AKT3: variants seen among roughly 807,000 people sequenced by gnomAD.
AKT3 encodes AKT serine/threonine kinase 3.
A neutral mutation model predicts 65.3 loss-of-function variants in AKT3; 15 were observed. The observed-to-expected ratio is 0.23, with a 90% CI of 0.15 to 0.35. The LOEUF (loss-of-function observed/expected upper bound fraction) is 0.35. Ranked by LOEUF, AKT3 falls within the 10% of genes least tolerant of loss-of-function variation. The probability of loss-of-function intolerance (pLI) is 1.00; values close to 1 mark genes in which losing one functional copy is unlikely to be tolerated. For synonymous variants in AKT3, 206 were observed against 183.8 expected, an observed-to-expected ratio of 1.12 and a Z score of -0.98; for missense variants, 243 against 576.5, an observed-to-expected ratio of 0.42 and a Z score of 5.92.
At chr1:243,619,088 A>G (rs929374671) in intron 6 of AKT3, among the ~76,000 whole-genome samples, 1 of 152,132 alleles carries the variant, frequency 6.6e-6, no homozygotes, top group Non-Finnish European at 1.5e-5. Context: ...AATTGACCAC[A>G]AGTCTAGTTG....
chr1:243,834,432 C>T (rs1179670544), intron 2 of AKT3, among the ~76,000 whole-genome samples: 6 of 152,218 alleles, frequency 3.9e-5, no homozygotes, highest in African/African-American at 1.4e-4. Context: ...CATGTTCTCA[C>T]GTGTAAATGG....
intron 5 of AKT3, among the ~76,000 whole-genome samples, chr1:243,643,154 A>T (rs1680567939): frequency 6.6e-6 from 1 of 152,198 alleles, no homozygotes; most frequent in Admixed American, 6.5e-5. Context: ...ATGAGATTTC[A>T]GCAGGTCTGG....
chr1:243,700,963 C>T (rs547919490), intron 2 of AKT3, among the ~76,000 whole-genome samples: 2 of 152,322 alleles, frequency 1.3e-5, no homozygotes, highest in African/African-American at 2.4e-5. Flanking sequence ...ACAGTGTTCA[C>T]TTCCTACCAT....
chr1:243,638,546 T>A, intron 5 of AKT3, among the ~76,000 whole-genome samples: 1 of 152,136 alleles, frequency 6.6e-6, no homozygotes, highest in Non-Finnish European at 1.5e-5. Context: ...CCGACCCAGC[T>A]TTTCATTTTT....
At chr1:243,498,946 C>CAATCT (rs1340726863), downstream of AKT3, among the ~76,000 whole-genome samples, 2 of 152,356 alleles carry the variant, frequency 1.3e-5, no homozygotes, top group African/African-American at 4.8e-5. Flanking sequence ...CTGGACTTCA[C>CAATCT]AATCTAGAGG....
At chr1:243,573,379 G>A (rs539424709) in intron 8 of AKT3, among the ~76,000 whole-genome samples, 3 of 152,052 alleles carry the variant, frequency 2.0e-5, no homozygotes, top group Non-Finnish European at 4.4e-5. Context: ...CACTCTTCAA[G>A]GATTAGGTAT....
intron 4 of AKT3, among the ~76,000 whole-genome samples, chr1:243,662,653 A>G (rs1016123348): frequency 3.9e-5 from 6 of 152,000 alleles, no homozygotes; most frequent in East Asian, 3.9e-4. Context: ...ACATGTATAC[A>G]TATGTAACTA....
At chr1:243,659,672 T>C (rs1270878093) in intron 4 of AKT3, among the ~76,000 whole-genome samples, 3 of 152,158 alleles carry the variant, frequency 2.0e-5, no homozygotes, top group Non-Finnish European at 2.9e-5. Flanking sequence ...GATGAGATGA[T>C]GGGCTCGCCA....
At chr1:243,604,148 G>C (rs984261864) in intron 8 of AKT3, among the ~76,000 whole-genome samples, 1 of 152,032 alleles carries the variant, frequency 6.6e-6, no homozygotes, top group Non-Finnish European at 1.5e-5. Context: ...ACCCACCTCA[G>C]CCTCCCATAG....
chr1:243,684,854 C>G (rs2147988529), intron 3 of AKT3, among the ~76,000 whole-genome samples: 1 of 152,332 alleles, frequency 6.6e-6, no homozygotes, highest in Admixed American at 6.5e-5. Context: ...ACCATTCTAA[C>G]TGGCGTGGGA....
At chr1:243,792,214 C>G (rs769612480) in intron 2 of AKT3, among the ~76,000 whole-genome samples, 1 of 152,096 alleles carries the variant, frequency 6.6e-6, no homozygotes, top group Non-Finnish European at 1.5e-5. Flanking sequence ...CTGGTAATAA[C>G]AAAGGCTACC....
At chr1:243,647,889 A>T (rs766423926) in intron 4 of AKT3, among the ~76,000 whole-genome samples, 10 of 152,158 alleles carry the variant, frequency 6.6e-5, no homozygotes, top group Admixed American at 2.0e-4. Flanking sequence ...TCTTCTATAT[A>T]ACATTTACTT....
At chr1:243,756,615 C>T (rs1689157001) in intron 2 of AKT3, among the ~76,000 whole-genome samples, 1 of 152,086 alleles carries the variant, frequency 6.6e-6, no homozygotes, top group Non-Finnish European at 1.5e-5. Context: ...ATAAGAGAAT[C>T]CCAACTAATG....
Position 243,721,894 on chromosome 1 carries a change from G to T in AKT3, c.47-26178C>A, listed in dbSNP as rs139155794. Among the ~76,000 whole-genome samples, 777 of 152,142 alleles carry T rather than the reference G, an allele frequency of 5.1e-3. 9 individuals are homozygous for T. Among genetic ancestry groups the T allele is most frequent in the African/African-American group, 0.018 (736 of 41,532 alleles). On this transcript the variant is annotated intron_variant, in intron 2 of 13. Coordinates refer to ENST00000673466, the MANE Select transcript of AKT3 (RefSeq NM_005465.7). ...CCTACAGATAACTTTTTTAAGAAAA[G>T]ATATAAGTAACCTAGGTATTATAAT...
chr1:243,498,985 A>G (rs1056142404), downstream of AKT3, among the ~76,000 whole-genome samples: 4 of 152,224 alleles, frequency 2.6e-5, no homozygotes, highest in Non-Finnish European at 5.9e-5. Context: ...TCACCTTCCC[A>G]CACAGTGCAC....
In AKT3 at chr1:243,807,880, T is replaced by C. The variant is rs190525613; in HGVS notation, c.46+35245A>G. Among the ~76,000 whole-genome samples, 292 of 152,230 alleles carry C rather than the reference T, an allele frequency of 1.9e-3. 3 individuals carry two copies. The highest frequency in any genetic ancestry group is 6.7e-3 in the Admixed American group (102 of 15,304). ...CAGCAACATTTGCTGTTCACCAATA[T>C]TTGCTGTTCTGCAGCCTCTGCTAAT... On this transcript the variant is annotated intron_variant, in intron 2 of 13. Transcript: ENST00000673466.
At chr1:243,781,766 A>G (rs930764920) in intron 2 of AKT3, among the ~76,000 whole-genome samples, 3 of 152,212 alleles carry the variant, frequency 2.0e-5, no homozygotes, top group African/African-American at 2.4e-5. Flanking sequence ...AAATTCCAAC[A>G]AGATTTTTGA....
chr1:243,742,482 G>C (rs143154660), intron 2 of AKT3, among the ~76,000 whole-genome samples: 1 of 152,012 alleles, frequency 6.6e-6, no homozygotes, highest in Non-Finnish European at 1.5e-5. Flanking sequence ...AAAATTAGCC[G>C]GGCATGGTGC....
chr1:243,494,263 C>T (rs560164388), intron 13 of AKT3, among the ~76,000 whole-genome samples: 3 of 152,196 alleles, frequency 2.0e-5, no homozygotes, highest in African/African-American at 7.2e-5. Context: ...TTGTCAGTCT[C>T]AAAAATAAAC....
Sources: allele counts gnomAD v4.1 joint callset (sites outside exome capture counted in the v4.1 genomes callset), GRCh38; gene constraint gnomAD v4.1.1; transcripts MANE v1.5; gene names NCBI Gene and HGNC (gene_info 2026-07-23, HGNC 2026-07-21).